Variants in TENM4 observed in about 807,000 individuals in gnomAD.
The protein encoded by TENM4 is teneurin-4.
In TENM4, 82 loss-of-function variants were observed where a neutral mutation model predicts 243.3. The observed-to-expected ratio is 0.34, with a 90% CI of 0.28 to 0.40. The LOEUF is 0.40. Ranked by LOEUF, TENM4 falls within the 10% of genes least tolerant of loss-of-function variation. TENM4 has a pLI of 1.00. For synonymous variants in TENM4, 1,412 were observed against 1,456.3 expected, an observed-to-expected ratio of 0.97 and a Z score of 0.69; for missense variants, 3,138 against 3,673.3, an observed-to-expected ratio of 0.85 and a Z score of 3.77.
chr11:78,667,077 A>C (rs1858176333), intron 32 of TENM4, among the ~76,000 whole-genome samples: 1 of 152,212 alleles, frequency 6.6e-6, no homozygotes, highest in South Asian at 2.1e-4. Context: ...AGACAGATGT[A>C]ATGGAAATGT....
intron 4 of TENM4, among the ~76,000 whole-genome samples, chr11:79,127,820 A>C (rs1861913750): frequency 6.6e-6 from 1 of 152,232 alleles, no homozygotes. Context: ...GACCTTCTAC[A>C]TCAGTAAAAT....
chr11:79,161,349 C>T (rs1473104559), intron 3 of TENM4, among the ~76,000 whole-genome samples: 1 of 152,184 alleles, frequency 6.6e-6, no homozygotes, highest in Non-Finnish European at 1.5e-5. Context: ...GAAACGTGTG[C>T]CTTCAAAATT....
chr11:79,023,400 A>C (rs2136816112), intron 6 of TENM4, among the ~76,000 whole-genome samples: 1 of 152,142 alleles, frequency 6.6e-6, no homozygotes, highest in Non-Finnish European at 1.5e-5. Context: ...TCTCTACTAA[A>C]AAAATACAAA....
chr11:79,291,483 C>T (rs1488076034), intron 2 of TENM4, among the ~76,000 whole-genome samples: 2 of 152,142 alleles, frequency 1.3e-5, no homozygotes, highest in East Asian at 3.9e-4. Context: ...ACCCTAGCAA[C>T]AAGGAAGCCC....
At chr11:78,803,211 G>A (rs975425957) in intron 15 of TENM4, among the ~76,000 whole-genome samples, 17 of 152,008 alleles carry the variant, frequency 1.1e-4, no homozygotes, top group African/African-American at 4.1e-4. Context: ...TGTAGTTTTA[G>A]TGGAGACGGG....
At chr11:79,359,543 T>C (rs1342773302) in intron 1 of TENM4, among the ~76,000 whole-genome samples, 1 of 152,162 alleles carries the variant, frequency 6.6e-6, no homozygotes, top group Non-Finnish European at 1.5e-5. Context: ...TACAGTCACT[T>C]CTAGTTTTGC....
At chr11:79,255,394 C>T (rs1855683046) in intron 2 of TENM4, among the ~76,000 whole-genome samples, 1 of 152,180 alleles carries the variant, frequency 6.6e-6, no homozygotes, top group African/African-American at 2.4e-5. Flanking sequence ...AAGCCTGCAG[C>T]CAGGTATCCT....
intron 6 of TENM4, among the ~76,000 whole-genome samples, chr11:79,033,630 C>T (rs1859304178): frequency 1.3e-5 from 2 of 152,324 alleles, no homozygotes; most frequent in African/African-American, 4.8e-5. Flanking sequence ...GTCAATAAAA[C>T]CTGATGATGC....
chr11:79,230,073 T>A (rs544978169), intron 2 of TENM4, among the ~76,000 whole-genome samples: 1 of 152,088 alleles, frequency 6.6e-6, no homozygotes, highest in South Asian at 2.1e-4. Flanking sequence ...TTACAGTTAT[T>A]TGGGCATGTA....
intron 2 of TENM4, among the ~76,000 whole-genome samples, chr11:79,225,581 T>G (rs1864247712): frequency 6.6e-6 from 1 of 152,140 alleles, no homozygotes; most frequent in African/African-American, 2.4e-5. Flanking sequence ...CTACTTTTTT[T>G]GTAATTTTAG....
intron 1 of TENM4, among the ~76,000 whole-genome samples, chr11:79,398,736 TTAAAAAAAAA>T (rs1287981128): frequency 9.8e-5 from 10 of 102,276 alleles, no homozygotes; most frequent in Non-Finnish European, 1.4e-4. Context: ...GTCAGATGCT[TTAAAAAAAAA>T]AAAAAAAAAA....
chr11:79,313,113 A>G (rs1319564819), intron 1 of TENM4, among the ~76,000 whole-genome samples: 1 of 152,182 alleles, frequency 6.6e-6, no homozygotes, highest in East Asian at 1.9e-4. Context: ...TACTTCTCCG[A>G]CTTCAGTTGT....
At chr11:78,933,745 C>A (rs375978183) in intron 6 of TENM4, among the ~76,000 whole-genome samples, 1 of 152,128 alleles carries the variant, frequency 6.6e-6, no homozygotes, top group East Asian at 1.9e-4. Flanking sequence ...GGGTCTCACT[C>A]GGCATCCCAG....
chr11:78,970,371 A>C (rs1252192775), intron 6 of TENM4, among the ~76,000 whole-genome samples: 1 of 152,208 alleles, frequency 6.6e-6, no homozygotes, highest in Non-Finnish European at 1.5e-5. Flanking sequence ...AGAGCTGGAA[A>C]TCTGAAAATC....
At chr11:79,175,076 A>T (rs1410224299) in intron 3 of TENM4, among the ~76,000 whole-genome samples, 2 of 152,136 alleles carry the variant, frequency 1.3e-5, no homozygotes, top group African/African-American at 4.8e-5. Flanking sequence ...TGCTGTCCCC[A>T]TCAGACTTCT....
chr11:79,077,039 A>C (rs1860550737), intron 4 of TENM4, among the ~76,000 whole-genome samples: 1 of 152,198 alleles, frequency 6.6e-6, no homozygotes, highest in South Asian at 2.1e-4. Flanking sequence ...TCAAAAACCT[A>C]GTTCCATAGG....
chr11:79,266,391 T>C (rs985361320), intron 2 of TENM4, among the ~76,000 whole-genome samples: 1 of 152,246 alleles, frequency 6.6e-6, no homozygotes, highest in African/African-American at 2.4e-5. Context: ...GCTTTCCTGC[T>C]TCTGCTAAAA....
At chr11:78,748,727 T>C (rs1856112052) in intron 19 of TENM4, among the ~76,000 whole-genome samples, 1 of 152,198 alleles carries the variant, frequency 6.6e-6, no homozygotes, top group Non-Finnish European at 1.5e-5. Flanking sequence ...AAAGTCCCTA[T>C]ATCATAGGGT....
chr11:78,895,005 A>AAAAG (rs1555098074), intron 7 of TENM4, among the ~76,000 whole-genome samples: 1,542 of 117,996 alleles, frequency 0.013, 182 homozygotes, highest in Admixed American at 0.04. Context: ...AAAAAAAAAA[A>AAAAG]AAGAAGACAA....
Sources: allele counts gnomAD v4.1 joint callset (sites outside exome capture counted in the v4.1 genomes callset), GRCh38; gene constraint gnomAD v4.1.1; transcripts MANE v1.5; gene names NCBI Gene and HGNC (gene_info 2026-07-23, HGNC 2026-07-21).